CNR1: variants seen among roughly 807,000 people sequenced by gnomAD.
CNR1 encodes cannabinoid receptor 1, also known as cannabinoid receptor 1 (brain).
In CNR1, 10 loss-of-function variants were observed where a neutral mutation model predicts 23.0. The observed-to-expected ratio is 0.43, with a 90% CI of 0.27 to 0.74. The LOEUF is 0.74. Ranked by LOEUF, CNR1 falls within the 30% of genes least tolerant of loss-of-function variation. The pLI is 0.19. For synonymous variants in CNR1, 271 were observed against 255.2 expected, an observed-to-expected ratio of 1.06 and a Z score of -0.59; for missense variants, 422 against 618.8, an observed-to-expected ratio of 0.68 and a Z score of 3.37.
At chr6:88,157,922 A>G (rs1444491805) in intron 1 of CNR1, among the ~76,000 whole-genome samples, 1 of 152,180 alleles carries the variant, frequency 6.6e-6, no homozygotes, top group Non-Finnish European at 1.5e-5. Flanking sequence ...AAATAATTCA[A>G]TTTCCTTCCT....
At chr6:88,158,827 A>C (rs1777936522) in intron 1 of CNR1, among the ~76,000 whole-genome samples, 1 of 152,220 alleles carries the variant, frequency 6.6e-6, no homozygotes, top group Admixed American at 6.5e-5. Flanking sequence ...CCAGCTCAAG[A>C]TAAAATAACC....
rs116702688 is a variant in CNR1, at chr6:88,161,573, T to C, written c.-64+4230A>G. On this transcript the variant is annotated intron_variant, in intron 1 of 1. Coordinates refer to ENST00000369501, the MANE Select transcript of CNR1 (RefSeq NM_016083.6). ...AACTATTATAAAAAATATACTTTTT[T>C]TCATTATGGGGCCTTGTTAAATCAA... Among the ~76,000 whole-genome samples the C allele has an allele frequency of 7.0e-3, 1,070 of 152,338 alleles. 16 individuals carry two copies. The highest frequency in any genetic ancestry group is 0.023 in the African/African-American group (973 of 41,570).
At chr6:88,152,118 G>C (rs1234833578) in intron 1 of CNR1, among the ~76,000 whole-genome samples, 2 of 151,634 alleles carry the variant, frequency 1.3e-5, no homozygotes, top group Non-Finnish European at 2.9e-5. Flanking sequence ...GGGAGGCTGA[G>C]GCAGGAGAAT....
chr6:88,157,920 C>A (rs1777887013), intron 1 of CNR1, among the ~76,000 whole-genome samples: 1 of 152,194 alleles, frequency 6.6e-6, no homozygotes, highest in Non-Finnish European at 1.5e-5. Flanking sequence ...CTAAATAATT[C>A]AATTTCCTTC....
intron 1 of CNR1, among the ~76,000 whole-genome samples, chr6:88,150,045 T>G (rs1243328941): frequency 6.6e-6 from 1 of 152,226 alleles, no homozygotes; most frequent in Non-Finnish European, 1.5e-5. Flanking sequence ...TGCATTTGCC[T>G]TTTTCTTAAA....
chr6:88,167,088 C>G (rs1562522264), upstream of CNR1, among the ~76,000 whole-genome samples: 1 of 151,948 alleles, frequency 6.6e-6, no homozygotes, highest in Non-Finnish European at 1.5e-5. Context: ...GCCCCGCCCG[C>G]CGGTCCCCGA....
chr6:88,148,273 T>G lies in CNR1; in HGVS notation c.-63-2936A>C, dbSNP rs562877248. Among the ~76,000 whole-genome samples, 40 of 152,202 alleles carry G rather than the reference T, an allele frequency of 2.6e-4. 1 individual carries two copies. The highest frequency in any genetic ancestry group is 5.0e-4 in the Non-Finnish European group (34 of 68,034). ...GAACACCCTTTCTGGGCTCCCAGAA[T>G]ACCCAAACAGAGTTCTATCATGGTA... On this transcript the variant is annotated intron_variant, in intron 1 of 1. Transcript: ENST00000369501.
At chr6:88,146,096 T>G (rs1777166409) in intron 1 of CNR1, among the ~76,000 whole-genome samples, 1 of 152,090 alleles carries the variant, frequency 6.6e-6, no homozygotes, top group Non-Finnish European at 1.5e-5. Flanking sequence ...GACAGAGTTT[T>G]TTTTTTCTTT....
In CNR1 at chr6:88,144,211, C is replaced by G. The variant is rs1777002767; in HGVS notation, c.1064G>C (p.Cys355Ser). ...LVLILVVLII[C>S]WGPLLAIMVY... The stretch of plus-strand genomic sequence containing the variant: ...CATGATTGCAAGCAGAGGGCCCCAG[C>G]AGATGATCAACACCACCAGGATCAG... The change falls in exon 2 of 2, where the codon TGC (cysteine) becomes TCC (serine). Residue 355 changes from cysteine to serine, a missense_variant. By Grantham distance (112) the Cys-to-Ser change is moderately radical (BLOSUM62 -1). Around this residue, in one of 4 missense-constraint regions of CNR1, gnomAD observed 211 missense variants for 357.3 expected, o/e 0.59. Transcript: ENST00000369501. The surrounding 1 kb of genome is among the most constrained non-coding windows in gnomAD (Gnocchi z 7.8). The G allele has an allele frequency of 6.2e-7, 1 of 1,612,336 alleles. No homozygotes were observed. The highest frequency in any genetic ancestry group is 2.2e-5 in the East Asian group (1 of 44,874).
At chr6:88,152,567 TATATG>T (rs1777586764) in intron 1 of CNR1, among the ~76,000 whole-genome samples, 5 of 152,214 alleles carry the variant, frequency 3.3e-5, no homozygotes, top group African/African-American at 4.8e-5. Context: ...TGGGTGTGGT[TATATG>T]ATAACAGAGT....
intron 1 of CNR1, among the ~76,000 whole-genome samples, chr6:88,163,452 T>C (rs923832523): frequency 3.3e-5 from 5 of 152,228 alleles, no homozygotes; most frequent in African/African-American, 1.2e-4. Flanking sequence ...TATTCTTACA[T>C]AGCAAAGTAT....
intron 1 of CNR1, among the ~76,000 whole-genome samples, chr6:88,149,557 A>G (rs960465095): frequency 6.6e-6 from 1 of 152,048 alleles, no homozygotes; most frequent in Non-Finnish European, 1.5e-5. Context: ...ACATCCACAA[A>G]CCTAACTTTT....
chr6:88,143,819 A>G lies in CNR1; in HGVS notation c.*37T>C. ...CTTCTAGATTTTGAGCTTAAAAAAA[A>G]AAATTCTTTTCCTGTGCTGCCAGGG... On this transcript the variant is annotated 3_prime_UTR_variant, in exon 2 of 2. Coordinates refer to ENST00000369501, the MANE Select transcript of CNR1 (RefSeq NM_016083.6). 1.3e-6 allele frequency: 2 copies of G among 1,542,418 alleles called. No individual in the cohort carries two copies. Among genetic ancestry groups the G allele is most frequent in the East Asian group, 2.3e-5 (1 of 44,356 alleles).
upstream of CNR1, among the ~76,000 whole-genome samples, chr6:88,167,213 C>T (rs1431348940): frequency 2.6e-5 from 4 of 152,044 alleles, no homozygotes; most frequent in African/African-American, 9.7e-5. Context: ...GAGGACGCCC[C>T]ACTCCAGGGC....
chr6:88,152,411 A>G (rs964897188), intron 1 of CNR1, among the ~76,000 whole-genome samples: 4 of 152,170 alleles, frequency 2.6e-5, no homozygotes, highest in Admixed American at 6.6e-5. Flanking sequence ...AAAGGATCAC[A>G]TATCTTATTC....
rs1357130417 is a variant in CNR1 at position 88,141,587 on chromosome 6, C to T, written c.*2269G>A. 1 of 152,378 alleles carries T rather than the reference C, an allele frequency of 6.6e-6. No individual in the cohort carries two copies. The highest frequency in any genetic ancestry group is 1.5e-5 in the Non-Finnish European group (1 of 68,054). The allele number at this position is 152,378 out of a possible 1,614,324, so 9.4% of individuals were successfully genotyped here. ...GTTCAAGATGATGCAGGACAAAAGA[C>T]TGGCAATTCTTAAATGCAAACTAAA... On this transcript the variant is annotated 3_prime_UTR_variant, in exon 2 of 2. Coordinates refer to ENST00000369501, the MANE Select transcript of CNR1 (RefSeq NM_016083.6).
In CNR1 at chr6:88,143,716, A is replaced by G. The variant is rs1207372838; in HGVS notation, c.*140T>C. On this transcript the variant is annotated 3_prime_UTR_variant, in exon 2 of 2. Coordinates refer to ENST00000369501, the MANE Select transcript of CNR1 (RefSeq NM_016083.6). ...AAACTATGGAAACATTAGCAAACTG[A>G]TAAGTGATCATGGTGACAATCACCT... 2.9e-6 allele frequency: 2 copies of G among 683,344 alleles called. No homozygotes were observed. The highest frequency in any genetic ancestry group is 2.5e-6 in the Non-Finnish European group (1 of 393,534). 42.3% of individuals were successfully genotyped at this position (683,344 alleles called of 1,614,324 possible). A position where few individuals can be genotyped will look rare whatever the true frequency, so the allele number is the denominator to read the frequency against.
intron 1 of CNR1, among the ~76,000 whole-genome samples, chr6:88,156,488 A>G (rs1200279773): frequency 6.6e-6 from 1 of 152,150 alleles, no homozygotes; most frequent in Non-Finnish European, 1.5e-5. Context: ...TTCCTAGTTG[A>G]AAGAGTAGAA....
intron 1 of CNR1, among the ~76,000 whole-genome samples, chr6:88,149,673 G>A (rs750035867): frequency 6.6e-5 from 10 of 152,058 alleles, no homozygotes; most frequent in Non-Finnish European, 1.3e-4. Context: ...CCTTCACCTT[G>A]TCCCTTCTTT....
Sources: allele counts gnomAD v4.1 joint callset (sites outside exome capture counted in the v4.1 genomes callset), GRCh38; gene constraint gnomAD v4.1.1; regional missense constraint gnomAD v4.1.1; non-coding constraint Gnocchi (gnomAD v3.1); transcripts MANE v1.5; gene names NCBI Gene and HGNC (gene_info 2026-07-23, HGNC 2026-07-21).